The following GPM6A variants were observed in gnomAD, a reference collection of about 807,000 sequenced individuals.
GPM6A encodes the protein neuronal membrane glycoprotein M6-a.
A neutral mutation model predicts 32.1 loss-of-function variants in GPM6A; 7 were observed. That is an observed-to-expected ratio of 0.22 (90% CI 0.12 to 0.41). GPM6A has a LOEUF of 0.41. Ranked by LOEUF, GPM6A falls within the 10% of genes least tolerant of loss-of-function variation. GPM6A has a pLI of 1.00. For synonymous variants in GPM6A, 130 were observed against 123.4 expected (o/e 1.05, Z -0.35); for missense variants, 235 against 347.2 (o/e 0.68, Z 2.57).
intron 1 of GPM6A, among the ~76,000 whole-genome samples, chr4:175,959,470 A>G (rs1282193759): frequency 6.6e-6 from 1 of 152,078 alleles, no homozygotes; most frequent in Non-Finnish European, 1.5e-5. Context: ...CGCACAGTTC[A>G]GTGACTGCTG....
chr4:175,950,089 G>C (rs1322016092), intron 1 of GPM6A, among the ~76,000 whole-genome samples: 1 of 152,056 alleles, frequency 6.6e-6, no homozygotes, highest in Non-Finnish European at 1.5e-5. Flanking sequence ...CATTAAGAAA[G>C]CAATTCATTT....
chr4:175,669,430 C>G (rs1340852362), intron 3 of GPM6A, among the ~76,000 whole-genome samples: 1 of 152,028 alleles, frequency 6.6e-6, no homozygotes, highest in Non-Finnish European at 1.5e-5. Flanking sequence ...GTAATATTTG[C>G]ATTAACTTAC....
chr4:175,783,470 A>C (rs1022634564), intron 1 of GPM6A, among the ~76,000 whole-genome samples: 9 of 151,982 alleles, frequency 5.9e-5, no homozygotes, highest in African/African-American at 2.2e-4. Flanking sequence ...ATATGAAAGG[A>C]GCTTAACATA....
At chr4:175,704,987 T>G (rs976196453) in intron 1 of GPM6A, among the ~76,000 whole-genome samples, 1 of 152,188 alleles carries the variant, frequency 6.6e-6, no homozygotes, top group African/African-American at 2.4e-5. Flanking sequence ...TTCTGATTAA[T>G]TTAAGTATTA....
chr4:175,642,410 C>T (rs992673462), intron 4 of GPM6A, among the ~76,000 whole-genome samples: 6 of 152,156 alleles, frequency 3.9e-5, no homozygotes, highest in African/African-American at 1.4e-4. Flanking sequence ...CCTAACCTCA[C>T]TGTAATTCCT....
chr4:175,849,692 A>G (rs1010763249), intron 1 of GPM6A, among the ~76,000 whole-genome samples: 16 of 152,212 alleles, frequency 1.1e-4, no homozygotes, highest in Non-Finnish European at 2.2e-4. Context: ...TTTGATAAAT[A>G]TATATTGGAA....
At chr4:175,712,670 G>A (rs572031459) in intron 1 of GPM6A, among the ~76,000 whole-genome samples, 3 of 152,264 alleles carry the variant, frequency 2.0e-5, no homozygotes, top group African/African-American at 7.2e-5. Context: ...ATTAAATCAA[G>A]ACCTGACTGT....
At chr4:175,727,818 A>G (rs1007205401) in intron 1 of GPM6A, among the ~76,000 whole-genome samples, 1 of 152,128 alleles carries the variant, frequency 6.6e-6, no homozygotes, top group African/African-American at 2.4e-5. Context: ...AGCCTGACCA[A>G]CATGGTGAAA....
intron 1 of GPM6A, among the ~76,000 whole-genome samples, chr4:175,849,417 G>A (rs1736184787): frequency 1.3e-5 from 2 of 152,164 alleles, no homozygotes; most frequent in Non-Finnish European, 2.9e-5. Context: ...CGTAGCCAAC[G>A]TAGAGGTTGA....
chr4:175,640,062 C>T, intron 6 of GPM6A, 67 bp downstream of exon 6: 1 of 1,194,910 alleles, frequency 8.4e-7, no homozygotes, highest in Middle Eastern at 1.9e-4. Flanking sequence ...GATAGTTTAT[C>T]ATCTCTACAA....
At chr4:175,652,149 G>A (rs1298915352) in intron 3 of GPM6A, among the ~76,000 whole-genome samples, 162 bp from the exon 4 acceptor site, 1 of 152,156 alleles carries the variant, frequency 6.6e-6, no homozygotes, top group Non-Finnish European at 1.5e-5. Flanking sequence ...GAGAAATAGT[G>A]CGCATAATGG....
At chr4:175,834,318 G>C (rs369944565) in intron 1 of GPM6A, among the ~76,000 whole-genome samples, 1 of 152,130 alleles carries the variant, frequency 6.6e-6, no homozygotes, top group Admixed American at 6.6e-5. Context: ...CCATCCCTTA[G>C]AATTGTTCGG....
At chr4:175,684,683 TTCTATATCTAGATTTA>T (rs1437576887) in intron 2 of GPM6A, among the ~76,000 whole-genome samples, 1 of 152,220 alleles carries the variant, frequency 6.6e-6, no homozygotes, top group Admixed American at 6.5e-5. Flanking sequence ...TACAATGAAT[TTCTATATCTAGATTTA>T]TCTGTTCGGT....
intron 1 of GPM6A, chr4:175,962,350 C>A: frequency 5.0e-6 from 4 of 797,192 alleles, no homozygotes; most frequent in Non-Finnish European, 6.8e-6. Context: ...CTTCTTAAGA[C>A]TCCTTCATCT....
intron 3 of GPM6A, among the ~76,000 whole-genome samples, chr4:175,655,430 C>CT (rs1198893509): frequency 6.6e-6 from 1 of 151,802 alleles, no homozygotes; most frequent in Non-Finnish European, 1.5e-5. Context: ...CGTAGAAAAT[C>CT]TTTTTATGTA....
chr4:175,648,465 A>G (rs1209171841), intron 4 of GPM6A, among the ~76,000 whole-genome samples: 1 of 152,162 alleles, frequency 6.6e-6, no homozygotes, highest in Non-Finnish European at 1.5e-5. Flanking sequence ...GATCACAAAA[A>G]CAGTAAGCAG....
intron 2 of GPM6A, among the ~76,000 whole-genome samples, chr4:175,683,952 C>G (rs1407095071): frequency 1.3e-5 from 2 of 151,966 alleles, no homozygotes; most frequent in Non-Finnish European, 2.9e-5. Flanking sequence ...CTGTCTCAGC[C>G]TCCCGAATTG....
At chr4:175,666,804 A>G (rs1299377916) in intron 3 of GPM6A, among the ~76,000 whole-genome samples, 1 of 152,226 alleles carries the variant, frequency 6.6e-6, no homozygotes, top group Non-Finnish European at 1.5e-5. Context: ...GAATGAATGT[A>G]TCCAGATTGT....
At chr4:175,781,019 T>A (rs909188497) in intron 1 of GPM6A, among the ~76,000 whole-genome samples, 12 of 151,794 alleles carry the variant, frequency 7.9e-5, no homozygotes, top group African/African-American at 2.7e-4. Flanking sequence ...AAGGGCAAGG[T>A]ATCAGGAGAG....
Sources: allele counts gnomAD v4.1 joint callset (sites outside exome capture counted in the v4.1 genomes callset), GRCh38; gene constraint gnomAD v4.1.1; transcripts MANE v1.5; gene names NCBI Gene and HGNC (gene_info 2026-07-23, HGNC 2026-07-21).